Variants in CTNND1 observed in about 807,000 individuals in gnomAD.
CTNND1 encodes catenin delta 1.
CTNND1 carries 16 observed loss-of-function variants against 112.1 expected under a neutral mutation model. The observed-to-expected ratio is 0.14, with a 90% confidence interval of 0.10 to 0.22. CTNND1 has a LOEUF of 0.22. CTNND1 is among the 10% of genes least tolerant of loss of function. CTNND1 has a pLI of 1.00. For missense variants in CTNND1, 1,008 were observed against 1,257.0 expected, an observed-to-expected ratio of 0.80 and a Z score of 3.00; for synonymous variants, 420 against 446.5, an observed-to-expected ratio of 0.94 and a Z score of 0.75.
chr11:57,790,653 G>A (rs1021948031), intron 2 of CTNND1, among the ~76,000 whole-genome samples: 1 of 148,340 alleles, frequency 6.7e-6, no homozygotes, highest in Non-Finnish European at 1.5e-5. Context: ...CACCTCCGGC[G>A]TTCACGCCAT....
In CTNND1 at chr11:57,819,476, ACTC is replaced by A. The variant is rs940307806; in HGVS notation, c.*3169_*3171del. 1 of 151,994 alleles carries A rather than the reference ACTC, an allele frequency of 6.6e-6. No homozygotes were observed. The highest frequency in any genetic ancestry group is 2.4e-5 in the African/African-American group (1 of 41,388). 9.4% of individuals were successfully genotyped at this position (151,994 alleles called of 1,614,324 possible). A position where few individuals can be genotyped will look rare whatever the true frequency, so the allele number is the denominator to read the frequency against. On this transcript the variant is annotated 3_prime_UTR_variant, in exon 21 of 21. Coordinates refer to ENST00000399050, the MANE Select transcript of CTNND1 (RefSeq NM_001085458.2). The stretch of plus-strand genomic sequence containing the variant: ...TGGCATTGAGCTAGATACAAACCCT[ACTC>A]TTCTCTCTTCCTTCTGGATTGGTCC...
intron 1 of CTNND1, among the ~76,000 whole-genome samples, chr11:57,776,031 G>A (rs1440725835): frequency 1.3e-5 from 2 of 152,222 alleles, no homozygotes; most frequent in African/African-American, 4.8e-5. Context: ...TTGACACGGA[G>A]CGGGGTAAGT....
At chr11:57,816,271 T>G (rs1565388929) in intron 20 of CTNND1, 26 bp from the exon 21 acceptor site, 1 of 1,613,402 alleles carries the variant, frequency 6.2e-7, no homozygotes, top group Non-Finnish European at 8.5e-7. Flanking sequence ...CCATTAACAT[T>G]CTCTCTTTCT....
At chr11:57,809,635 A>T (rs578261749) in intron 15 of CTNND1, among the ~76,000 whole-genome samples, 169 bp downstream of exon 15, 1 of 152,358 alleles carries the variant, frequency 6.6e-6, no homozygotes, top group African/African-American at 2.4e-5. Flanking sequence ...TAATAGATTC[A>T]TGTCAAACTT....
At position 57,796,556 on chromosome 11, in the gene CTNND1, T is replaced by G. The variant is rs757509993; in HGVS notation, c.520T>G (p.Tyr174Asp). 1.2e-6 allele frequency: 2 copies of G among 1,614,004 alleles called. No individual in the cohort carries two copies. Among genetic ancestry groups the G allele is most frequent in the South Asian group, 1.1e-5 (1 of 91,084 alleles). Residue 174 changes from tyrosine (Y) to aspartate (D), a missense_variant, in exon 6 of 21, where the codon TAT (tyrosine) becomes GAT (aspartate). Tyr to Asp is a radical substitution (Grantham distance 160). Transcript: ENST00000399050. ...GGATGCTTCATCAGTTTCTAACAACTATATCCAGACTTTGGGTCGTGATTT... is the reference window on the plus strand; with the variant it reads ...GGATGCTTCATCAGTTTCTAACAACGATATCCAGACTTTGGGTCGTGATTT... ...PVDASSVSNN[Y>D]IQTLGRDFRK...
In CTNND1 at chr11:57,815,516, A is replaced by G; in HGVS notation, c.2808+16A>G. 1 of 1,555,734 alleles carries G rather than the reference A, an allele frequency of 6.4e-7. No individual in the cohort carries two copies. Among genetic ancestry groups the G allele is most frequent in the Non-Finnish European group, 8.9e-7 (1 of 1,128,052 alleles). On this transcript the variant is annotated intron_variant, in intron 19 of 20. Transcript: ENST00000399050. ...ACCCTTGATGGTAAATTCTCTTTAT[A>G]TACTGCTATCTGTCTAAGGCTAGTT...
intron 18 of CTNND1, 98 bp from the exon 19 acceptor site, chr11:57,815,296 T>C: frequency 1.5e-6 from 1 of 685,714 alleles, no homozygotes; most frequent in Non-Finnish European, 2.4e-6. Context: ...ACAAGCTCAG[T>C]TCCCAACAGT....
At chr11:57,802,618 C>T (rs2062125382) in intron 7 of CTNND1, among the ~76,000 whole-genome samples, 1 of 152,212 alleles carries the variant, frequency 6.6e-6, no homozygotes, top group Non-Finnish European at 1.5e-5. Context: ...TATTTTTTCA[C>T]ATGCTTGTAA....
intron 16 of CTNND1, 81 bp downstream of exon 16, chr11:57,810,304 C>A: frequency 9.9e-7 from 1 of 1,013,486 alleles, no homozygotes; most frequent in Non-Finnish European, 1.4e-6. Flanking sequence ...TTCGTTTCTT[C>A]CATTTCACCA....
intron 1 of CTNND1, among the ~76,000 whole-genome samples, chr11:57,783,310 G>A (rs780666154): frequency 6.6e-6 from 1 of 151,558 alleles, no homozygotes; most frequent in African/African-American, 2.4e-5. Context: ...AAAAAAACGT[G>A]GAACATCAAG....
chr11:57,805,738 C>T, intron 9 of CTNND1, 144 bp from the exon 10 acceptor site: 1 of 868,462 alleles, frequency 1.2e-6, no homozygotes. Context: ...AAGCCTGGAG[C>T]ACTTAAGAGG....
At chr11:57,773,521 G>A (rs1386898565) in intron 1 of CTNND1, among the ~76,000 whole-genome samples, 4 of 150,454 alleles carry the variant, frequency 2.7e-5, no homozygotes, top group African/African-American at 7.3e-5. Flanking sequence ...GCACGACCTC[G>A]GCTCACTGCA....
At chr11:57,783,851 T>G (rs2059861075) in intron 1 of CTNND1, among the ~76,000 whole-genome samples, 1 of 152,204 alleles carries the variant, frequency 6.6e-6, no homozygotes, top group Non-Finnish European at 1.5e-5. Context: ...AATACAGTTC[T>G]GTAGTGTTAC....
rs1011248798 is a variant in CTNND1 at position 57,811,380 on chromosome 11, C to T, written c.2551-19C>T. 6.3e-7 allele frequency: 1 copy of T among 1,592,500 alleles called. No individual in the cohort carries two copies. Among genetic ancestry groups the T allele is most frequent in the Non-Finnish European group, 8.6e-7 (1 of 1,161,680 alleles). ...AATTCAGTATTCTGTCACATTGTCG[C>T]ATTTGTGTTTGCCTCTAGGTGAATC... On this transcript the variant is annotated intron_variant, in intron 16 of 20. Coordinates refer to ENST00000399050, the MANE Select transcript of CTNND1 (RefSeq NM_001085458.2).
intron 1 of CTNND1, among the ~76,000 whole-genome samples, chr11:57,784,262 G>A (rs1265354619): frequency 1.3e-5 from 2 of 151,006 alleles, no homozygotes; most frequent in Non-Finnish European, 3.0e-5. Context: ...TCCCTAGAAT[G>A]GCTGGGCACA....
chr11:57,797,858 A>C (rs1000358599), intron 6 of CTNND1, among the ~76,000 whole-genome samples: 1 of 150,434 alleles, frequency 6.6e-6, no homozygotes, highest in Non-Finnish European at 1.5e-5. Flanking sequence ...AAAAAAAAAA[A>C]AAAAACAACT....
chr11:57,806,309 C>T (rs530817542), intron 10 of CTNND1, among the ~76,000 whole-genome samples, 152 bp from the exon 11 acceptor site: 1 of 152,240 alleles, frequency 6.6e-6, no homozygotes, highest in South Asian at 2.1e-4. Context: ...CTGGGACCTT[C>T]TTCCCCATAC....
Position 57,796,463 on chromosome 11 carries a change from A to C in CTNND1, c.427A>C (p.Lys143Gln), listed in dbSNP as rs771093282. ...TTRRTETTVK[K>Q]VVKTVTTRTV... is the part of the protein sequence containing the mutation. ...TCTTGTTTCCTACTTGCAGGTCAAGAAAGTAGTGAAGACTGTGACAACACG... is the reference window on the plus strand; with the variant it reads ...TCTTGTTTCCTACTTGCAGGTCAAGCAAGTAGTGAAGACTGTGACAACACG... The change falls in exon 6 of 21, where the codon AAA becomes CAA. Residue 143 changes from lysine (K) to glutamine (Q), a missense_variant. Lys to Gln is a moderately conservative substitution (Grantham distance 53, BLOSUM62 1). Transcript: ENST00000399050. 4 of 1,583,064 alleles carry C rather than the reference A, an allele frequency of 2.5e-6. No homozygotes were observed. The African/African-American group carries it at 5.4e-5, about 22-fold the overall frequency.
At chr11:57,790,900 T>A (rs2060667217) in intron 2 of CTNND1, among the ~76,000 whole-genome samples, 1 of 152,126 alleles carries the variant, frequency 6.6e-6, no homozygotes, top group Admixed American at 6.5e-5. Context: ...TAGTAATTTT[T>A]TTTTTTTAAT....
Sources: allele counts gnomAD v4.1 joint callset (sites outside exome capture counted in the v4.1 genomes callset), GRCh38; gene constraint gnomAD v4.1.1; transcripts MANE v1.5; gene names NCBI Gene and HGNC (gene_info 2026-07-23, HGNC 2026-07-21).